The following GRID2 variants were observed in gnomAD, a reference collection of about 807,000 sequenced individuals.
The protein encoded by GRID2 is glutamate ionotropic receptor delta type subunit 2.
In GRID2, 33 loss-of-function variants were observed where a neutral mutation model predicts 114.8. That is an observed-to-expected ratio of 0.29 (90% CI 0.22 to 0.38). GRID2 has a LOEUF of 0.38. Among genes scored for constraint, GRID2 ranks in the 10% least tolerant of loss-of-function variants. The probability of loss-of-function intolerance (pLI) is 1.00; values close to 1 mark genes in which losing one functional copy is unlikely to be tolerated. For synonymous variants in GRID2, 505 were observed against 449.9 expected, an observed-to-expected ratio of 1.12 and a Z score of -1.55; for missense variants, 1,184 against 1,257.7, an observed-to-expected ratio of 0.94 and a Z score of 0.89.
intron 10 of GRID2, among the ~76,000 whole-genome samples, chr4:93,443,219 C>A (rs1166585805): frequency 6.6e-6 from 1 of 151,900 alleles, no homozygotes; most frequent in African/African-American, 2.4e-5. Context: ...ATTACACTCT[C>A]CCTATAACCC....
At chr4:93,676,066 A>C (rs1724828500) in intron 14 of GRID2, among the ~76,000 whole-genome samples, 1 of 152,228 alleles carries the variant, frequency 6.6e-6, no homozygotes, top group African/African-American at 2.4e-5. Context: ...GTCATATTTC[A>C]AAATAAAGCA....
intron 2 of GRID2, among the ~76,000 whole-genome samples, chr4:92,898,850 A>G (rs553491546): frequency 2.0e-5 from 3 of 152,212 alleles, no homozygotes; most frequent in Admixed American, 2.0e-4. Context: ...TTTTCCCATT[A>G]TTTTTCTACT....
intron 13 of GRID2, among the ~76,000 whole-genome samples, chr4:93,612,807 G>A (rs1373079868): frequency 9.6e-5 from 9 of 93,824 alleles, no homozygotes; most frequent in Non-Finnish European, 2.0e-4. Flanking sequence ...TGCTCTTCTC[G>A]AGGAGTATCT....
chr4:92,651,757 C>T (rs1022874611), intron 2 of GRID2, among the ~76,000 whole-genome samples: 2 of 152,058 alleles, frequency 1.3e-5, no homozygotes, highest in African/African-American at 4.8e-5. Flanking sequence ...AAAACAGGTG[C>T]ACTGCCTGAA....
Position 93,769,274 on chromosome 4 carries a change from G to A in GRID2, c.2425G>A (p.Gly809Ser). The change falls in exon 15 of 16, where the codon GGC becomes AGC. Residue 809 changes from glycine (G) to serine (S), a missense_variant. This residue lies in a region of GRID2 where 717 missense variants were observed against 796.9 expected (regional missense o/e 0.90). Coordinates refer to ENST00000282020, the MANE Select transcript of GRID2 (RefSeq NM_001510.4). ...GAAGCACAAATGGTGGCCTAAGAAT[G>A]GCCAGTGTGACCTGTACTCGTCAGT... ...ILKHKWWPKN[G>S]QCDLYSSVDT... The A allele has an allele frequency of 6.2e-7, 1 of 1,614,032 alleles. No homozygotes were observed. The highest frequency in any genetic ancestry group is 1.3e-5 in the African/African-American group (1 of 75,052).
At chr4:93,715,743 G>A (rs929538842) in intron 14 of GRID2, among the ~76,000 whole-genome samples, 3 of 152,096 alleles carry the variant, frequency 2.0e-5, no homozygotes, top group African/African-American at 7.2e-5. Context: ...GCCTGTTGCT[G>A]GCGTATAGGA....
intron 4 of GRID2, among the ~76,000 whole-genome samples, chr4:93,124,500 A>C (rs1303542256): frequency 6.6e-6 from 1 of 152,218 alleles, no homozygotes; most frequent in Admixed American, 6.5e-5. Flanking sequence ...ATAGATTACC[A>C]CTATCTGCCC....
intron 14 of GRID2, among the ~76,000 whole-genome samples, chr4:93,736,225 A>G (rs1730915925): frequency 6.6e-6 from 1 of 152,060 alleles, no homozygotes; most frequent in Non-Finnish European, 1.5e-5. Context: ...TAAATAATGA[A>G]GAAATCAGTG....
intron 1 of GRID2, among the ~76,000 whole-genome samples, chr4:92,463,428 A>T (rs969072867): frequency 3.9e-5 from 6 of 151,992 alleles, no homozygotes; most frequent in Non-Finnish European, 8.8e-5. Context: ...AATTTAACTA[A>T]ATTAGGCCCT....
At chr4:92,795,163 G>A (rs572029133) in intron 2 of GRID2, among the ~76,000 whole-genome samples, 2 of 151,518 alleles carry the variant, frequency 1.3e-5, no homozygotes, top group African/African-American at 2.4e-5. Flanking sequence ...GGAGGCAGGA[G>A]AGTGATATGA....
At chr4:92,859,925 T>C (rs936122101) in intron 2 of GRID2, among the ~76,000 whole-genome samples, 1 of 152,142 alleles carries the variant, frequency 6.6e-6, no homozygotes, top group Non-Finnish European at 1.5e-5. Context: ...GTAGATGCCA[T>C]TAGCACCCCT....
chr4:93,145,397 G>C (rs1484851064), intron 4 of GRID2, among the ~76,000 whole-genome samples: 1 of 151,722 alleles, frequency 6.6e-6, no homozygotes, highest in Non-Finnish European at 1.5e-5. Flanking sequence ...CATTGTAGTA[G>C]TTGAACTCTT....
At chr4:93,577,235 C>A (rs748093408) in intron 13 of GRID2, among the ~76,000 whole-genome samples, 1 of 151,552 alleles carries the variant, frequency 6.6e-6, no homozygotes, top group Non-Finnish European at 1.5e-5. Flanking sequence ...GGTCAAAGTA[C>A]AATTATGGAT....
chr4:93,615,062 A>C (rs1009548221), intron 13 of GRID2, among the ~76,000 whole-genome samples: 1 of 152,168 alleles, frequency 6.6e-6, no homozygotes, highest in African/African-American at 2.4e-5. Flanking sequence ...CATTACGTTG[A>C]TTCTGGTGTC....
chr4:93,029,587 C>T (rs1724197438), intron 2 of GRID2, among the ~76,000 whole-genome samples: 1 of 152,016 alleles, frequency 6.6e-6, no homozygotes, highest in African/African-American at 2.4e-5. Context: ...TATTTTTTCA[C>T]ACTAAAAATA....
At chr4:92,781,634 T>C (rs1434601084) in intron 2 of GRID2, among the ~76,000 whole-genome samples, 1 of 152,098 alleles carries the variant, frequency 6.6e-6, no homozygotes, top group South Asian at 2.1e-4. Flanking sequence ...AAGCTAACTA[T>C]GTATATATGT....
intron 2 of GRID2, among the ~76,000 whole-genome samples, chr4:92,619,206 C>T (rs77491113): frequency 0.056 from 8,424 of 151,712 alleles, 299 homozygotes; most frequent in East Asian, 0.16. Context: ...ATTTAAAGTT[C>T]AGGCACTATG....
At chr4:92,703,809 CAAAT>C (rs1734800997) in intron 2 of GRID2, among the ~76,000 whole-genome samples, 1 of 151,788 alleles carries the variant, frequency 6.6e-6, no homozygotes, top group South Asian at 2.1e-4. Flanking sequence ...TTGCATCAAA[CAAAT>C]AATTTACTCA....
In GRID2 at chr4:93,266,362, A is replaced by G. The variant is rs1374990228; in HGVS notation, c.1245+27872A>G. Among the ~76,000 whole-genome samples the G allele has an allele frequency of 2.6e-5, 4 of 152,186 alleles. 1 individual carries two copies. The highest frequency in any genetic ancestry group is 9.7e-5 in the African/African-American group (4 of 41,446). On this transcript the variant is annotated intron_variant, in intron 8 of 15. Coordinates refer to ENST00000282020, the MANE Select transcript of GRID2 (RefSeq NM_001510.4). ...TGCTAAAGGAGAGAAAAACAGCACT[A>G]TAATCCCTAGACCTACTCTATAAGC...
Sources: allele counts gnomAD v4.1 joint callset (sites outside exome capture counted in the v4.1 genomes callset), GRCh38; gene constraint gnomAD v4.1.1; regional missense constraint gnomAD v4.1.1; transcripts MANE v1.5; gene names NCBI Gene and HGNC (gene_info 2026-07-23, HGNC 2026-07-21).